Variants in HNF4G observed in about 807,000 individuals in gnomAD.
The protein encoded by HNF4G is hepatocyte nuclear factor 4-gamma.
A neutral mutation model predicts 50.9 loss-of-function variants in HNF4G; 21 were observed. The ratio of observed to expected loss-of-function variants is 0.41; its 90% CI spans 0.29 to 0.59. The LOEUF (loss-of-function observed/expected upper bound fraction) is 0.59, where lower values mean the gene tolerates loss of function less well. HNF4G is among the 20% of genes least tolerant of loss of function. The pLI, the probability that HNF4G is intolerant of heterozygous loss-of-function variation, is 0.26. For synonymous variants in HNF4G, 198 were observed against 185.6 expected (o/e 1.07, Z -0.54); for missense variants, 527 against 559.4 (o/e 0.94, Z 0.58).
intron 1 of HNF4G, among the ~76,000 whole-genome samples, chr8:75,488,652 G>A (rs1390758310): frequency 6.6e-6 from 1 of 151,986 alleles, no homozygotes; most frequent in East Asian, 1.9e-4. Context: ...GAGACTTTAG[G>A]GATTAATATA....
chr8:75,435,106 C>A (rs1165710678), intron 1 of HNF4G, among the ~76,000 whole-genome samples: 2 of 151,956 alleles, frequency 1.3e-5, no homozygotes, highest in Non-Finnish European at 2.9e-5. Flanking sequence ...ACACAAAATA[C>A]AAGGAGGAAA....
chr8:75,560,623 A>G (rs1376801238), intron 9 of HNF4G, among the ~76,000 whole-genome samples, 157 bp downstream of exon 9: 1 of 152,174 alleles, frequency 6.6e-6, no homozygotes, highest in African/African-American at 2.4e-5. Flanking sequence ...TCAGCTTGTC[A>G]CTTATTCTCC....
chr8:75,515,988 T>C (rs945009933), intron 2 of HNF4G, among the ~76,000 whole-genome samples: 1 of 152,308 alleles, frequency 6.6e-6, no homozygotes, highest in African/African-American at 2.4e-5. Context: ...GGTCTCGAAC[T>C]CCTGACCTCA....
At chr8:75,446,788 A>G (rs1381806048) in intron 1 of HNF4G, among the ~76,000 whole-genome samples, 1 of 116,782 alleles carries the variant, frequency 8.6e-6, no homozygotes, top group Non-Finnish European at 1.7e-5. Context: ...AAGAGGATAC[A>G]AACAAATGGA....
intron 1 of HNF4G, among the ~76,000 whole-genome samples, chr8:75,444,007 A>T (rs889601719): frequency 4.6e-5 from 7 of 152,228 alleles, no homozygotes; most frequent in African/African-American, 1.7e-4. Flanking sequence ...GCTCTGAAAG[A>T]AAACCTAGGG....
In HNF4G at chr8:75,447,503, A is replaced by C. The variant is rs1162969966; in HGVS notation, c.-144+39341A>C. Among the ~76,000 whole-genome samples, 7 of 144,670 alleles carry C rather than the reference A, an allele frequency of 4.8e-5. No individual in the cohort carries two copies. In the East Asian group the frequency reaches 1.5e-3, roughly 31 times the overall value. 94.9% of individuals were successfully genotyped at this position (144,670 alleles called of 152,430 possible). ...CATCAGAGTGAACAGGCAACCTACA[A>C]CATGGGAGAAAATTCTTGCAACCTA... On this transcript the variant is annotated intron_variant, in intron 1 of 10. Transcript: ENST00000354370.
At chr8:75,452,407 G>A (rs1374565374) in intron 1 of HNF4G, among the ~76,000 whole-genome samples, 5 of 151,970 alleles carry the variant, frequency 3.3e-5, no homozygotes, top group Non-Finnish European at 4.4e-5. Flanking sequence ...TTCCAAATAA[G>A]TATCTTTTTA....
chr8:75,419,365 G>A (rs989102603), intron 1 of HNF4G, among the ~76,000 whole-genome samples: 1 of 152,176 alleles, frequency 6.6e-6, no homozygotes, highest in African/African-American at 2.4e-5. Flanking sequence ...TTAGTAGGAA[G>A]CATTGAATTT....
At chr8:75,556,438 A>G (rs1563554106) in intron 6 of HNF4G, among the ~76,000 whole-genome samples, 1 of 152,160 alleles carries the variant, frequency 6.6e-6, no homozygotes, top group Admixed American at 6.6e-5. Context: ...TTTATTTTAC[A>G]CACTTTAAAA....
chr8:75,476,747 C>T (rs9298254), intron 1 of HNF4G, among the ~76,000 whole-genome samples: 18,579 of 152,058 alleles, frequency 0.12, 1,538 homozygotes, highest in African/African-American at 0.24. Flanking sequence ...GAAAGAGGGG[C>T]GGGGCAGGGC....
intron 1 of HNF4G, among the ~76,000 whole-genome samples, chr8:75,471,525 A>G (rs1347559486): frequency 6.6e-6 from 1 of 152,190 alleles, no homozygotes; most frequent in Non-Finnish European, 1.5e-5. Flanking sequence ...AAAGTATCTC[A>G]TTTGACTCAA....
intron 1 of HNF4G, among the ~76,000 whole-genome samples, chr8:75,458,877 A>G (rs1417412847): frequency 2.0e-5 from 3 of 152,194 alleles, no homozygotes; most frequent in Admixed American, 2.0e-4. Flanking sequence ...TTTAACTGCT[A>G]TTTAATGGAT....
At chr8:75,435,150 A>G (rs1397079402) in intron 1 of HNF4G, among the ~76,000 whole-genome samples, 1 of 152,240 alleles carries the variant, frequency 6.6e-6, no homozygotes, top group Non-Finnish European at 1.5e-5. Context: ...GCACAGATGC[A>G]AAGGCCTATA....
At chr8:75,548,388 C>G (rs1240793176) in intron 3 of HNF4G, among the ~76,000 whole-genome samples, 1 of 152,028 alleles carries the variant, frequency 6.6e-6, no homozygotes, top group Non-Finnish European at 1.5e-5. Context: ...CATTTATTTA[C>G]TAAATACTTG....
chr8:75,541,441 A>G (rs1806618669), intron 1 of HNF4G, among the ~76,000 whole-genome samples: 1 of 152,112 alleles, frequency 6.6e-6, no homozygotes, highest in African/African-American at 2.4e-5. Flanking sequence ...TGTTTTGTTA[A>G]TGTTACCAGA....
intron 2 of HNF4G, among the ~76,000 whole-genome samples, chr8:75,522,081 A>G (rs1301034766): frequency 6.6e-6 from 1 of 152,232 alleles, no homozygotes; most frequent in African/African-American, 2.4e-5. Flanking sequence ...GTACTTTGTT[A>G]TTAGAATTAG....
At chr8:75,410,996 A>G (rs368857695) in intron 1 of HNF4G, among the ~76,000 whole-genome samples, 1 of 152,230 alleles carries the variant, frequency 6.6e-6, no homozygotes, top group Non-Finnish European at 1.5e-5. Context: ...TAGGCAATTT[A>G]TATGCCTTTT....
Position 75,564,049 on chromosome 8 carries a change from G to A in HNF4G, c.1321G>A (p.Ala441Thr). 1 of 1,613,620 alleles carries A rather than the reference G, an allele frequency of 6.2e-7. No homozygotes were observed. Among genetic ancestry groups the A allele is most frequent in the Non-Finnish European group, 8.5e-7 (1 of 1,179,654 alleles). The change falls in exon 10 of 10, where the codon GCA becomes ACA. Residue 441 changes from alanine to threonine, a missense_variant. Transcript: ENST00000396423. ...QEQYKIAANQ[A>T]SVISHQHLSK... ...ACAGTACAAAATAGCTGCAAACCAA[G>A]CATCAGTCATTTCACACCAGCATCT...
At chr8:75,414,551 C>T (rs546568743) in intron 1 of HNF4G, among the ~76,000 whole-genome samples, 11 of 152,210 alleles carry the variant, frequency 7.2e-5, no homozygotes, top group African/African-American at 2.2e-4. Context: ...CCTTGCATTC[C>T]CTTCCTTCCC....
Sources: allele counts gnomAD v4.1 joint callset (sites outside exome capture counted in the v4.1 genomes callset), GRCh38; gene constraint gnomAD v4.1.1; transcripts MANE v1.5; gene names NCBI Gene and HGNC (gene_info 2026-07-23, HGNC 2026-07-21).